Variants in RNF157 observed in about 807,000 individuals in gnomAD.
The protein encoded by RNF157 is ring finger protein 157.
A neutral mutation model predicts 88.3 loss-of-function variants in RNF157; 55 were observed. That is an observed-to-expected ratio of 0.62 (90% CI 0.50 to 0.78). The LOEUF is 0.78. Among genes scored for constraint, RNF157 ranks in the 30% least tolerant of loss-of-function variants. The pLI is 0.00. For synonymous variants in RNF157, 334 were observed against 341.2 expected (o/e 0.98, Z 0.23); for missense variants, 788 against 860.8 (o/e 0.92, Z 1.06).
intron 2 of RNF157, among the ~76,000 whole-genome samples, chr17:76,196,837 T>C (rs987198818): frequency 6.6e-5 from 10 of 152,170 alleles, no homozygotes; most frequent in Non-Finnish European, 1.3e-4. Context: ...TACAAAAAGC[T>C]GGCCCCTTTA....
intron 18 of RNF157, among the ~76,000 whole-genome samples, chr17:76,150,829 C>T (rs547116773): frequency 1.3e-5 from 2 of 152,356 alleles, no homozygotes; most frequent in South Asian, 2.1e-4. Context: ...CCCACGCGAG[C>T]GCCTCCCAGG....
intron 2 of RNF157, among the ~76,000 whole-genome samples, chr17:76,198,736 G>A (rs1248044733): frequency 1.3e-5 from 2 of 152,122 alleles, no homozygotes; most frequent in East Asian, 3.8e-4. Flanking sequence ...TGTCTTCTGT[G>A]AGCCCCAGTT....
intron 1 of RNF157, among the ~76,000 whole-genome samples, chr17:76,237,005 G>A (rs924399129): frequency 4.7e-5 from 7 of 150,314 alleles, no homozygotes; most frequent in African/African-American, 1.3e-4. Context: ...GGACAACAGC[G>A]GTGAGAACAA....
chr17:76,239,478 G>A (rs1050484031), intron 1 of RNF157, among the ~76,000 whole-genome samples: 2 of 152,104 alleles, frequency 1.3e-5, no homozygotes, highest in Non-Finnish European at 2.9e-5. Context: ...TAGCAAAGGG[G>A]CAATCCGAGT....
intron 2 of RNF157, among the ~76,000 whole-genome samples, chr17:76,196,075 C>T (rs2069473020): frequency 6.6e-6 from 1 of 152,242 alleles, no homozygotes; most frequent in African/African-American, 2.4e-5. Flanking sequence ...CTCTGAGCCG[C>T]TACTCTCAAC....
chr17:76,222,678 G>A (rs1032911098), intron 1 of RNF157, among the ~76,000 whole-genome samples: 1 of 152,030 alleles, frequency 6.6e-6, no homozygotes, highest in Non-Finnish European at 1.5e-5. Flanking sequence ...CTCACACAAC[G>A]TCCCACAGTT....
rs896220550 is a variant in RNF157, at chr17:76,161,749, G to A, written c.952+94C>T. 7.1e-6 allele frequency: 11 copies of A among 1,543,150 alleles called. No individual in the cohort carries two copies. In the African/African-American group the frequency reaches 1.5e-4, roughly 21 times the overall value. The stretch of plus-strand genomic sequence containing the variant: ...GATCCCTCCCAGCGCGCATCCGTTT[G>A]TCAGATCCAGCAGCAGCACATGCTT... On this transcript the variant is annotated intron_variant, in intron 10 of 18. Coordinates refer to ENST00000269391, the MANE Select transcript of RNF157 (RefSeq NM_052916.3). This position sits in a 1 kb window ranked among gnomAD's most constrained non-coding sequence, Gnocchi z 4.6.
intron 2 of RNF157, among the ~76,000 whole-genome samples, chr17:76,188,828 G>T (rs1172542721): frequency 6.6e-6 from 1 of 152,152 alleles, no homozygotes; most frequent in Non-Finnish European, 1.5e-5. Flanking sequence ...GGATAAACCT[G>T]TACCACCCGG....
intron 3 of RNF157, among the ~76,000 whole-genome samples, chr17:76,173,220 A>T (rs2069047399): frequency 6.6e-6 from 1 of 151,928 alleles, no homozygotes; most frequent in Non-Finnish European, 1.5e-5. Flanking sequence ...CTGGAGATGG[A>T]GCGTGCAGTG....
chr17:76,161,857 G>A lies in RNF157; in HGVS notation c.938C>T (p.Pro313Leu). ...CTGGGGCTTACGCAGTCGGCAGATGGGGCAGTTGTTGGCCTGGTAGCGCAG... is the reference window on the plus strand; with the variant it reads ...CTGGGGCTTACGCAGTCGGCAGATGAGGCAGTTGTTGGCCTGGTAGCGCAG... Reference protein sequence around the residue: ...DTLRYQANNCPICRLPFRALL... With the variant: ...DTLRYQANNCLICRLPFRALL... Residue 313 changes from proline to leucine, a missense_variant, in exon 10 of 19, where the codon CCC (proline) becomes CTC (leucine). By Grantham distance (98) the Pro-to-Leu change is moderately conservative. Transcript: ENST00000269391. This position sits in a 1 kb window ranked among gnomAD's most constrained non-coding sequence, Gnocchi z 4.6. The A allele has an allele frequency of 4.3e-6, 7 of 1,614,120 alleles. No homozygotes were observed. The South Asian group carries it at 7.7e-5, about 18-fold the overall frequency.
chr17:76,229,005 C>T (rs2070143417), intron 1 of RNF157, among the ~76,000 whole-genome samples: 1 of 152,134 alleles, frequency 6.6e-6, no homozygotes, highest in Non-Finnish European at 1.5e-5. Flanking sequence ...TCCTTTCACA[C>T]CACACATCCA....
chr17:76,201,452 C>T (rs2069576935), intron 2 of RNF157, among the ~76,000 whole-genome samples: 1 of 151,814 alleles, frequency 6.6e-6, no homozygotes, highest in African/African-American at 2.4e-5. Flanking sequence ...TTCCAGGTTA[C>T]AGTGAGCTAT....
chr17:76,173,677 C>T, intron 3 of RNF157, 25 bp downstream of exon 3: 1 of 1,572,352 alleles, frequency 6.4e-7, no homozygotes, highest in Non-Finnish European at 8.7e-7. Flanking sequence ...TGCCTGGGAC[C>T]TGGCCCCAGC....
chr17:76,173,669 C>A (rs1222015253), intron 3 of RNF157, 33 bp downstream of exon 3: 1 of 1,522,182 alleles, frequency 6.6e-7, no homozygotes, highest in Middle Eastern at 2.1e-4. Context: ...AAGGAAGGTG[C>A]CTGGGACCTG....
chr17:76,155,516 G>A (rs763672842), intron 15 of RNF157, 46 bp downstream of exon 15: 4 of 1,592,966 alleles, frequency 2.5e-6, no homozygotes, highest in Admixed American at 1.8e-5. Flanking sequence ...TTGGACATGT[G>A]CACAAAGAAC....
intron 2 of RNF157, among the ~76,000 whole-genome samples, chr17:76,208,577 G>A (rs1281542572): frequency 2.0e-5 from 3 of 152,110 alleles, no homozygotes; most frequent in African/African-American, 7.2e-5. Flanking sequence ...AACCTGTGGG[G>A]AAAAGAAAAA....
Position 76,157,245 on chromosome 17 carries a change from C to T in RNF157, c.1414-924G>A, listed in dbSNP as rs189810496. ...CCTCCCAAAGTGCCGGGATTCCAGGCGTGAGCCTCCGCGCCCGGCCAGTCA... is the reference window on the plus strand; with the variant it reads ...CCTCCCAAAGTGCCGGGATTCCAGGTGTGAGCCTCCGCGCCCGGCCAGTCA... On this transcript the variant is annotated intron_variant, in intron 13 of 18. Transcript: ENST00000269391. This position sits in a 1 kb window ranked among gnomAD's most constrained non-coding sequence, Gnocchi z 5.6. Among the ~76,000 whole-genome samples, 279 of 152,360 alleles carry T rather than the reference C, an allele frequency of 1.8e-3. 1 individual carries two copies. Among genetic ancestry groups the T allele is most frequent in the African/African-American group, 5.6e-3 (233 of 41,586 alleles).
chr17:76,227,802 G>A (rs565464247), intron 1 of RNF157, among the ~76,000 whole-genome samples: 19 of 152,174 alleles, frequency 1.2e-4, no homozygotes, highest in South Asian at 1.2e-3. Context: ...GCTTGAACCC[G>A]GGAGGCAGAG....
intron 2 of RNF157, among the ~76,000 whole-genome samples, chr17:76,209,588 A>C (rs1489665526): frequency 2.6e-5 from 4 of 152,070 alleles, no homozygotes; most frequent in Admixed American, 2.6e-4. Context: ...CAGGGAACCC[A>C]AAAGATTGGA....
Sources: gnomAD v4.1 joint callset for allele counts (sites outside exome capture counted in the v4.1 genomes callset) on GRCh38, gnomAD v4.1.1 for gene constraint, Gnocchi (gnomAD v3.1) non-coding constraint, MANE v1.5 for transcripts, NCBI Gene and HGNC (gene_info 2026-07-23, HGNC 2026-07-21) for gene names.